The following NUP188 variants were observed in gnomAD, a reference collection of about 807,000 sequenced individuals.
NUP188 encodes nucleoporin 188, also known as nucleoporin NUP188.
A neutral mutation model predicts 223.0 loss-of-function variants in NUP188; 97 were observed. The observed-to-expected ratio is 0.43, with a 90% CI of 0.37 to 0.51. The LOEUF (loss-of-function observed/expected upper bound fraction) is 0.51, where lower values mean the gene tolerates loss of function less well. Ranked by LOEUF, NUP188 falls within the 20% of genes least tolerant of loss-of-function variation. The probability of loss-of-function intolerance (pLI) is 0.00; values close to 1 mark genes in which losing one functional copy is unlikely to be tolerated. For missense variants in NUP188, 1,947 were observed against 2,175.6 expected, an observed-to-expected ratio of 0.89 and a Z score of 2.09; for synonymous variants, 869 against 828.0, an observed-to-expected ratio of 1.05 and a Z score of -0.85.
At position 129,006,879 on chromosome 9, in the gene NUP188, C is replaced by T. The variant is rs755132778; in HGVS notation, c.*201C>T. On this transcript the variant is annotated 3_prime_UTR_variant, in exon 44 of 44. Transcript: ENST00000372577. ...GAGGTCAACAGCAGGCATGGGGAGC[C>T]GAGTCTTCTGTGCTCAGGTCCTCAC... is the stretch of plus-strand genomic sequence containing the variant. 3 of 512,050 alleles carry T rather than the reference C, an allele frequency of 5.9e-6. No homozygotes were observed. Among genetic ancestry groups the T allele is most frequent in the African/African-American group, 3.9e-5 (2 of 50,894 alleles). The allele number at this position is 512,050 out of a possible 1,614,324, so 31.7% of individuals were successfully genotyped here.
rs1458361565 is a variant in NUP188 at position 128,981,706 on chromosome 9, A to G, written c.1516+316A>G. On this transcript the variant is annotated intron_variant, in intron 15 of 43. Transcript: ENST00000372577. ...CAGTCATCTAGGCACTAACAGTCCT[A>G]TGAGGTACTGTTGTTATCATCATTT... Among the ~76,000 whole-genome samples, 4 of 152,196 alleles carry G rather than the reference A, an allele frequency of 2.6e-5. No individual in the cohort carries two copies. The East Asian group carries it at 5.8e-4, about 22-fold the overall frequency.
At chr9:128,950,338 G>A (rs916216954) in intron 2 of NUP188, among the ~76,000 whole-genome samples, 5 of 151,886 alleles carry the variant, frequency 3.3e-5, no homozygotes, top group African/African-American at 7.3e-5. Context: ...TCCTGCCTTA[G>A]CCTCTCAAGG....
At chr9:128,990,408 A>G (rs999892565) in intron 25 of NUP188, among the ~76,000 whole-genome samples, 182 bp downstream of exon 25, 2 of 151,794 alleles carry the variant, frequency 1.3e-5, no homozygotes, top group Non-Finnish European at 2.9e-5. Context: ...TGGGCCACAT[A>G]GTGAGACCCC....
intron 3 of NUP188, among the ~76,000 whole-genome samples, chr9:128,954,985 G>C (rs887824558): frequency 6.6e-6 from 1 of 151,946 alleles, no homozygotes; most frequent in Admixed American, 6.6e-5. Flanking sequence ...CGAGTAGCTG[G>C]GACTACAGGT....
chr9:128,996,095 G>A (rs193191736), intron 30 of NUP188, among the ~76,000 whole-genome samples: 22 of 152,138 alleles, frequency 1.4e-4, no homozygotes, highest in East Asian at 9.6e-4. Flanking sequence ...ACTCCGTCAC[G>A]CTGTATCATA....
At position 128,980,700 on chromosome 9, in the gene NUP188, T is replaced by C; in HGVS notation, c.1364T>C (p.Val455Ala). ...SPLLQLLRAL[V>A]SGKSTAKKVY... ...CTCCTGCAACTGCTCCGAGCCCTGG[T>C]ATCAGGGAAGTCCACAGCCAAAAAG... Residue 455 changes from valine to alanine, a missense_variant, in exon 14 of 44, where the codon GTA becomes GCA. By Grantham distance (64) the Val-to-Ala change is moderately conservative. Around this residue, in one of 3 missense-constraint regions of NUP188, gnomAD observed 817 missense variants for 865.8 expected, o/e 0.94. Coordinates refer to ENST00000372577, the MANE Select transcript of NUP188 (RefSeq NM_015354.3). 1 of 1,614,112 alleles carries C rather than the reference T, an allele frequency of 6.2e-7. No homozygotes were observed. Among genetic ancestry groups the C allele is most frequent in the Non-Finnish European group, 8.5e-7 (1 of 1,180,004 alleles).
intron 19 of NUP188, 101 bp from the exon 20 acceptor site, chr9:128,984,799 A>G (rs1308502871): frequency 1.4e-5 from 10 of 690,250 alleles, no homozygotes; most frequent in Admixed American, 3.1e-5. Context: ...TTTCTATTTT[A>G]TATTCAAGTC....
chr9:128,953,418 C>G (rs1238065613), intron 3 of NUP188, among the ~76,000 whole-genome samples: 2 of 152,138 alleles, frequency 1.3e-5, no homozygotes, highest in Non-Finnish European at 2.9e-5. Context: ...GATCTTGATT[C>G]CTAGTCCAGA....
At chr9:128,961,590 C>CTAGATAGATAGA (rs547085125) in intron 8 of NUP188, among the ~76,000 whole-genome samples, 7,632 of 137,938 alleles carry the variant, frequency 0.055, 552 homozygotes, top group African/African-American at 0.16. Context: ...ATCTATCTAT[C>CTAGATAGATAGA]TAGATAGATA....
At chr9:128,981,007 G>T (rs1238400967) in intron 14 of NUP188, among the ~76,000 whole-genome samples, 1 of 152,146 alleles carries the variant, frequency 6.6e-6, no homozygotes, top group Non-Finnish European at 1.5e-5. Flanking sequence ...AGAGCCAGGT[G>T]GTACAGAGTA....
At chr9:128,991,567 C>T (rs1040515742) in intron 25 of NUP188, among the ~76,000 whole-genome samples, 2 of 149,358 alleles carry the variant, frequency 1.3e-5, no homozygotes, top group African/African-American at 2.5e-5. Context: ...TAGGGCTGGG[C>T]GTGGTGGCTC....
At chr9:128,970,197 G>A (rs1842086129) in intron 10 of NUP188, among the ~76,000 whole-genome samples, 1 of 152,188 alleles carries the variant, frequency 6.6e-6, no homozygotes, top group African/African-American at 2.4e-5. Flanking sequence ...CAAAGTGCTG[G>A]AATTACAGGC....
In NUP188 at chr9:128,983,685, G is replaced by A. The variant is rs574411678; in HGVS notation, c.1961+135G>A. The A allele has an allele frequency of 3.5e-5, 24 of 686,234 alleles. No individual in the cohort carries two copies. In the East Asian group the frequency reaches 4.6e-4, roughly 13 times the overall value. The allele number at this position is 686,234 out of a possible 1,614,324, so 42.5% of individuals were successfully genotyped here. On this transcript the variant is annotated intron_variant, in intron 19 of 43. Coordinates refer to ENST00000372577, the MANE Select transcript of NUP188 (RefSeq NM_015354.3). ...TTTTGAGATGGAGTCTCACTCTGTTGCCCAGGCTGGAGTGCAGTGGTGCAG... is the reference window on the plus strand; with the variant it reads ...TTTTGAGATGGAGTCTCACTCTGTTACCCAGGCTGGAGTGCAGTGGTGCAG...
intron 28 of NUP188, 63 bp from the exon 29 acceptor site, chr9:128,994,793 T>G: frequency 7.4e-7 from 1 of 1,346,252 alleles, no homozygotes; most frequent in Non-Finnish European, 1.1e-6. Context: ...GTTCCCTGTT[T>G]GATATACTGG....
chr9:129,003,288 T>G (rs1842708448), intron 37 of NUP188, 29 bp from the exon 38 acceptor site: 1 of 1,587,704 alleles, frequency 6.3e-7, no homozygotes, highest in Non-Finnish European at 8.5e-7. Flanking sequence ...GCCATCCCCA[T>G]CTTTCCCTGA....
chr9:128,972,801 C>T (rs146655739), intron 11 of NUP188, among the ~76,000 whole-genome samples: 10 of 152,208 alleles, frequency 6.6e-5, no homozygotes, highest in African/African-American at 1.9e-4. Context: ...AGGCCCTACT[C>T]GTTGTCACTG....
chr9:128,988,719 ATTTTT>A (rs528821221), intron 24 of NUP188, among the ~76,000 whole-genome samples: 33 of 72,858 alleles, frequency 4.5e-4, no homozygotes, highest in African/African-American at 1.4e-3. Flanking sequence ...TAATTTTTTA[ATTTTT>A]TTTTTTTTTT....
chr9:128,999,401 C>G, intron 33 of NUP188, 84 bp downstream of exon 33: 2 of 1,512,438 alleles, frequency 1.3e-6, no homozygotes, highest in Non-Finnish European at 1.8e-6. Flanking sequence ...CAGCTTAGGG[C>G]CACACATTTC....
chr9:128,957,072 C>CT (rs1257345402), intron 5 of NUP188, 40 bp downstream of exon 5: 2 of 1,398,006 alleles, frequency 1.4e-6, no homozygotes, highest in Admixed American at 4.0e-5. Flanking sequence ...TGCCTTTATC[C>CT]TTTTTCCCTG....
Sources: gnomAD v4.1 joint callset for allele counts (sites outside exome capture counted in the v4.1 genomes callset) on GRCh38, gnomAD v4.1.1 for gene constraint, gnomAD v4.1.1 regional missense constraint, MANE v1.5 for transcripts, NCBI Gene and HGNC (gene_info 2026-07-23, HGNC 2026-07-21) for gene names.